XYLB: variants seen among roughly 807,000 people sequenced by gnomAD.
XYLB encodes xylulose kinase.
A neutral mutation model predicts 78.7 loss-of-function variants in XYLB; 62 were observed. The ratio of observed to expected loss-of-function variants is 0.79; its 90% CI spans 0.64 to 0.97. The LOEUF (loss-of-function observed/expected upper bound fraction) is 0.97. XYLB is among the 50% of genes least tolerant of loss of function. The probability of loss-of-function intolerance (pLI) is 0.00; values close to 1 mark genes in which losing one functional copy is unlikely to be tolerated. For synonymous variants in XYLB, 245 were observed against 247.4 expected (o/e 0.99, Z 0.09); for missense variants, 687 against 676.8 (o/e 1.02, Z -0.17).
At chr3:38,358,174 C>G (rs951709977) in intron 2 of XYLB, among the ~76,000 whole-genome samples, 4 of 71,180 alleles carry the variant, frequency 5.6e-5, no homozygotes, top group Admixed American at 1.9e-4. Context: ...TGCTCTAGAA[C>G]AATTTAAATA....
intron 15 of XYLB, among the ~76,000 whole-genome samples, chr3:38,392,374 C>CTGCAACCTCCACCTCCCGGTTCAAGTGAT (rs1197725299): frequency 2.0e-5 from 3 of 152,202 alleles, no homozygotes; most frequent in Admixed American, 1.3e-4. Flanking sequence ...TCTCGGCTCA[C>CTGCAACCTCCACCTCCCGGTTCAAGTGAT]TGCAACCTCC....
At chr3:38,349,214 C>G (rs1705224436) in intron 2 of XYLB, among the ~76,000 whole-genome samples, 1 of 152,204 alleles carries the variant, frequency 6.6e-6, no homozygotes, top group South Asian at 2.1e-4. Context: ...CAAGAAAGAG[C>G]ATGGTTCATT....
chr3:38,429,609 G>C, the XYLB span, among the ~76,000 whole-genome samples: 21 of 152,218 alleles, frequency 1.4e-4, no homozygotes, highest in African/African-American at 4.8e-4. Context: ...TGTGCACAAC[G>C]TGCAGGTTTG....
At chr3:38,405,959 CACAG>C (rs1266026245) in intron 18 of XYLB, among the ~76,000 whole-genome samples, 1 of 152,228 alleles carries the variant, frequency 6.6e-6, no homozygotes, top group African/African-American at 2.4e-5. Flanking sequence ...GGGGGCAGGG[CACAG>C]ACAAACAAAA....
the XYLB span, among the ~76,000 whole-genome samples, chr3:38,437,034 A>ATAATAT: frequency 6.8e-6 from 1 of 147,248 alleles, no homozygotes; most frequent in Admixed American, 6.8e-5. Context: ...AATAATAATA[A>ATAATAT]TAATAATAAT....
intron 18 of XYLB, among the ~76,000 whole-genome samples, chr3:38,411,765 A>G (rs373524993): frequency 6.6e-6 from 1 of 152,028 alleles, no homozygotes; most frequent in African/African-American, 2.4e-5. Flanking sequence ...ACTAGGCAAC[A>G]TTGCTTATGT....
chr3:38,395,437 G>A, intron 15 of XYLB, 68 bp from the exon 16 acceptor site: 4 of 1,486,662 alleles, frequency 2.7e-6, no homozygotes, highest in Non-Finnish European at 3.7e-6. Context: ...GAAGAACTCT[G>A]CAAAAACAGC....
Position 38,367,801 on chromosome 3 carries a change from C to T in XYLB, c.574-384C>T, listed in dbSNP as rs77972300. 8.1e-3 allele frequency among the ~76,000 whole-genome samples: 1,238 copies of T among 152,292 alleles called. 15 individuals are homozygous for T. Among genetic ancestry groups the T allele is most frequent in the African/African-American group, 0.028 (1,166 of 41,548 alleles). ...CCTGGTTGGTTCTGAGGCCACACAT[C>T]CACTTCCCTTGTAACCAGAAGGAAA... On this transcript the variant is annotated intron_variant, in intron 7 of 18. Coordinates refer to ENST00000207870, the MANE Select transcript of XYLB (RefSeq NM_005108.4).
chr3:38,404,055 G>T (rs1708219833), intron 18 of XYLB, among the ~76,000 whole-genome samples: 1 of 152,284 alleles, frequency 6.6e-6, no homozygotes, highest in South Asian at 2.1e-4. Flanking sequence ...CACTGCTTGT[G>T]CTCAAGGGGA....
At chr3:38,366,958 G>A in intron 7 of XYLB, 85 bp downstream of exon 7, 1 of 918,762 alleles carries the variant, frequency 1.1e-6, no homozygotes, top group Non-Finnish European at 1.7e-6. Flanking sequence ...TACGTGCAGT[G>A]ACTGAAAACA....
chr3:38,363,818 G>C (rs996495530), intron 4 of XYLB, among the ~76,000 whole-genome samples: 2 of 152,158 alleles, frequency 1.3e-5, no homozygotes, highest in African/African-American at 2.4e-5. Context: ...TGGGAGTCAG[G>C]ACCTGAGTCT....
At chr3:38,443,666 G>C in the XYLB span, among the ~76,000 whole-genome samples, 43 of 152,286 alleles carry the variant, frequency 2.8e-4, no homozygotes, top group Middle Eastern at 6.8e-3. Flanking sequence ...TCAGGGCCTA[G>C]GGCTTTCTTT....
intron 15 of XYLB, among the ~76,000 whole-genome samples, chr3:38,387,637 G>A (rs1426108537): frequency 1.3e-5 from 2 of 152,218 alleles, no homozygotes; most frequent in African/African-American, 4.8e-5. Context: ...CTCCCAAAGT[G>A]CTGGGATTAC....
At chr3:38,380,503 G>A (rs1298863859) in intron 15 of XYLB, among the ~76,000 whole-genome samples, 1 of 151,964 alleles carries the variant, frequency 6.6e-6, no homozygotes, top group African/African-American at 2.4e-5. Flanking sequence ...TTTGCTTGAG[G>A]GCCTTCCTAT....
intron 18 of XYLB, among the ~76,000 whole-genome samples, chr3:38,409,056 T>C (rs1373908486): frequency 6.6e-6 from 1 of 152,224 alleles, no homozygotes; most frequent in African/African-American, 2.4e-5. Flanking sequence ...AGCATCCTGA[T>C]ACCAAAGCCG....
the XYLB span, among the ~76,000 whole-genome samples, chr3:38,448,783 A>G: frequency 6.6e-5 from 10 of 152,166 alleles, no homozygotes; most frequent in Admixed American, 6.5e-4. Context: ...GTTTAGCTCC[A>G]CTATGGAGTG....
intron 4 of XYLB, 38 bp from the exon 5 acceptor site, chr3:38,365,161 G>T: frequency 6.2e-7 from 1 of 1,600,616 alleles, no homozygotes; most frequent in East Asian, 2.2e-5. Flanking sequence ...TGACACTGGT[G>T]TGTGGTCATG....
At chr3:38,353,189 C>A (rs1377096242) in intron 2 of XYLB, among the ~76,000 whole-genome samples, 2 of 152,184 alleles carry the variant, frequency 1.3e-5, no homozygotes, top group Non-Finnish European at 2.9e-5. Flanking sequence ...TGTAAGATTT[C>A]AGCTTTCTTA....
the XYLB span, among the ~76,000 whole-genome samples, chr3:38,427,112 A>G: frequency 1.3e-5 from 2 of 152,202 alleles, no homozygotes; most frequent in African/African-American, 2.4e-5. Flanking sequence ...CTGTCAATAA[A>G]TGTGTGGGTC....
Sources: allele counts gnomAD v4.1 joint callset (sites outside exome capture counted in the v4.1 genomes callset), GRCh38; gene constraint gnomAD v4.1.1; transcripts MANE v1.5; gene names NCBI Gene and HGNC (gene_info 2026-07-23, HGNC 2026-07-21).